Variants in DTWD2 observed in about 807,000 individuals in gnomAD.
The protein encoded by DTWD2 is tRNA-uridine aminocarboxypropyltransferase 2.
A neutral mutation model predicts 31.8 loss-of-function variants in DTWD2; 39 were observed. The ratio of observed to expected loss-of-function variants is 1.22; its 90% CI spans 0.95 to 1.60. The LOEUF is 1.60. Among genes scored for constraint, DTWD2 ranks in the 40% most tolerant of loss-of-function variants. The pLI is 0.00. For synonymous variants in DTWD2, 180 were observed against 142.8 expected (o/e 1.26, Z -1.86); for missense variants, 515 against 381.5 (o/e 1.35, Z -2.92).
At chr5:118,847,594 T>C (rs1392306658) in intron 5 of DTWD2, among the ~76,000 whole-genome samples, 1 of 149,180 alleles carries the variant, frequency 6.7e-6, no homozygotes, top group Admixed American at 6.7e-5. Flanking sequence ...TATAATACTT[T>C]CATATTCTCT....
chr5:118,937,832 TA>T (rs1400801010), intron 3 of DTWD2, among the ~76,000 whole-genome samples: 5 of 147,878 alleles, frequency 3.4e-5, no homozygotes, highest in African/African-American at 1.2e-4. Context: ...ACCTCTCTGG[TA>T]TCTGTGTGTA....
chr5:118,980,157 A>G (rs905035040), intron 1 of DTWD2, among the ~76,000 whole-genome samples: 4 of 152,238 alleles, frequency 2.6e-5, no homozygotes, highest in African/African-American at 9.6e-5. Flanking sequence ...AGGTATCTAC[A>G]TGGTGAATAG....
chr5:118,865,187 G>A (rs1414574424), intron 4 of DTWD2, among the ~76,000 whole-genome samples: 2 of 151,956 alleles, frequency 1.3e-5, no homozygotes, highest in East Asian at 3.9e-4. Context: ...CTTCACAACC[G>A]GTAACCTTCA....
At chr5:118,863,579 C>A (rs913437096) in intron 4 of DTWD2, among the ~76,000 whole-genome samples, 3 of 152,204 alleles carry the variant, frequency 2.0e-5, no homozygotes, top group South Asian at 2.1e-4. Flanking sequence ...TCACTTCATA[C>A]AGAAAAGAGA....
chr5:118,969,340 T>A (rs115575652), intron 1 of DTWD2, among the ~76,000 whole-genome samples: 170 of 152,276 alleles, frequency 1.1e-3, no homozygotes, highest in Middle Eastern at 3.4e-3. Flanking sequence ...CCAGACTGCT[T>A]CTTTAAGCAG....
At chr5:118,985,345 G>T (rs936320284) in intron 1 of DTWD2, among the ~76,000 whole-genome samples, 10 of 151,614 alleles carry the variant, frequency 6.6e-5, no homozygotes, top group African/African-American at 1.9e-4. Context: ...AGATTTCCCA[G>T]ATCTTTTCCT....
chr5:118,948,310 C>T (rs1754384635), intron 1 of DTWD2, among the ~76,000 whole-genome samples: 1 of 151,238 alleles, frequency 6.6e-6, no homozygotes, highest in African/African-American at 2.4e-5. Flanking sequence ...CCCGTCTCTA[C>T]TAAAAATACA....
At chr5:118,914,697 T>C (rs937468530) in intron 4 of DTWD2, among the ~76,000 whole-genome samples, 7 of 152,122 alleles carry the variant, frequency 4.6e-5, no homozygotes, top group African/African-American at 1.7e-4. Flanking sequence ...ACAGCTGCAC[T>C]CCAGCTTAAG....
Position 118,954,066 on chromosome 5 carries a change from T to A in DTWD2, c.219-9417A>T, listed in dbSNP as rs186223761. The stretch of plus-strand genomic sequence containing the variant: ...AGAAAGGATCACTTGAGCACAGGAA[T>A]TCGAGATCAGCCTAGGAAACATAGC... On this transcript the variant is annotated intron_variant, in intron 1 of 5. Coordinates refer to ENST00000510708, the MANE Select transcript of DTWD2 (RefSeq NM_173666.4). 1.1e-3 allele frequency among the ~76,000 whole-genome samples: 173 copies of A among 152,230 alleles called. 2 individuals carry two copies. The highest frequency in any genetic ancestry group is 1.5e-4 in the Non-Finnish European group (10 of 68,020).
At chr5:118,879,186 G>T (rs545492237) in intron 4 of DTWD2, among the ~76,000 whole-genome samples, 1 of 152,112 alleles carries the variant, frequency 6.6e-6, no homozygotes, top group African/African-American at 2.4e-5. Flanking sequence ...ATACATGCAC[G>T]TGTATCTTCA....
At chr5:118,862,063 TG>T (rs1246969525) in intron 4 of DTWD2, among the ~76,000 whole-genome samples, 1 of 152,224 alleles carries the variant, frequency 6.6e-6, no homozygotes, top group Non-Finnish European at 1.5e-5. Context: ...GCCTGAGCTG[TG>T]CCTTCTGTCA....
At chr5:118,987,295 T>C (rs1158470514) in intron 1 of DTWD2, among the ~76,000 whole-genome samples, 3 of 152,330 alleles carry the variant, frequency 2.0e-5, no homozygotes, top group South Asian at 2.1e-4. Flanking sequence ...GCGTCAACTA[T>C]ACATAGTACA....
intron 4 of DTWD2, among the ~76,000 whole-genome samples, chr5:118,916,477 T>C (rs1272069316): frequency 6.6e-6 from 1 of 151,872 alleles, no homozygotes; most frequent in African/African-American, 2.4e-5. Flanking sequence ...ACCAGCCTGA[T>C]CAACATGAAG....
rs1358625820 is a variant in DTWD2, at chr5:118,840,216, C to T, written c.*701G>A. The stretch of plus-strand genomic sequence containing the variant: ...CCACTTATTATTTTCCATATGAAAA[C>T]ATCAATAAAATAAGTTTACCAGAGT... On this transcript the variant is annotated 3_prime_UTR_variant, in exon 6 of 6. Transcript: ENST00000510708. 1 of 152,014 alleles carries T rather than the reference C, an allele frequency of 6.6e-6. No individual in the cohort carries two copies. Among genetic ancestry groups the T allele is most frequent in the East Asian group, 1.9e-4 (1 of 5,200 alleles). 9.4% of individuals were successfully genotyped at this position (152,014 alleles called of 1,614,324 possible). A position where few individuals can be genotyped will look rare whatever the true frequency, so the allele number is the denominator to read the frequency against.
intron 4 of DTWD2, among the ~76,000 whole-genome samples, chr5:118,850,726 G>A (rs373890173): frequency 2.6e-5 from 4 of 152,034 alleles, no homozygotes; most frequent in East Asian, 1.9e-4. Flanking sequence ...ACAGCAATCC[G>A]AAAACCTACA....
intron 4 of DTWD2, among the ~76,000 whole-genome samples, chr5:118,914,169 T>C (rs1222562563): frequency 2.6e-5 from 4 of 152,196 alleles, no homozygotes; most frequent in Non-Finnish European, 5.9e-5. Context: ...GGAAACTTAA[T>C]CTCCAATGTG....
chr5:118,964,709 C>T (rs549960781), intron 1 of DTWD2, among the ~76,000 whole-genome samples: 8 of 152,384 alleles, frequency 5.2e-5, no homozygotes, highest in Admixed American at 4.6e-4. Flanking sequence ...CCCGAGGTGC[C>T]AGGACTGCAG....
chr5:118,848,178 C>A lies in DTWD2; in HGVS notation c.638G>T (p.Arg213Leu), dbSNP rs759774875. The change falls in exon 5 of 6, where the codon CGG becomes CTG. Residue 213 changes from arginine (R) to leucine (L), a missense_variant. Transcript: ENST00000510708. Reference protein sequence around the residue: ...KTSISSQYVIRMQPTNRCLST... With the variant: ...KTSISSQYVILMQPTNRCLST... Reference sequence around the variant, plus strand: ...AAGGCATCTATTAGTCGGCTGCATCCGAATTACATACTGACTAGAAATGCT... The same window carrying A: ...AAGGCATCTATTAGTCGGCTGCATCAGAATTACATACTGACTAGAAATGCT... 4.4e-6 allele frequency: 7 copies of A among 1,606,132 alleles called. No homozygotes were observed. The South Asian group carries it at 4.5e-5, about 10-fold the overall frequency.
intron 4 of DTWD2, among the ~76,000 whole-genome samples, chr5:118,881,194 G>C (rs1752732149): frequency 6.6e-6 from 1 of 152,092 alleles, no homozygotes; most frequent in African/African-American, 2.4e-5. Flanking sequence ...AGTACTAAAG[G>C]TGTAGGTACC....
Sources: allele counts gnomAD v4.1 joint callset (sites outside exome capture counted in the v4.1 genomes callset), GRCh38; gene constraint gnomAD v4.1.1; transcripts MANE v1.5; gene names NCBI Gene and HGNC (gene_info 2026-07-23, HGNC 2026-07-21).